The following RHBDD3 variants were observed in gnomAD, a reference collection of about 807,000 sequenced individuals.
RHBDD3 encodes the protein rhomboid domain containing 3, also known as rhomboid domain-containing protein 3.
Under a neutral mutation model 32.3 loss-of-function variants are expected in RHBDD3, and 34 were observed. The observed-to-expected ratio is 1.05, with a 90% confidence interval of 0.80 to 1.40. RHBDD3 has a LOEUF of 1.40. Among genes scored for constraint, RHBDD3 ranks in the 40% most tolerant of loss-of-function variants. RHBDD3 has a pLI of 0.00. For synonymous variants in RHBDD3, 249 were observed against 239.1 expected, an observed-to-expected ratio of 1.04 and a Z score of -0.38; for missense variants, 482 against 492.6, an observed-to-expected ratio of 0.98 and a Z score of 0.20.
chr22:29,267,151 T>A (rs778992875), intron 2 of RHBDD3, among the ~76,000 whole-genome samples: 1 of 152,232 alleles, frequency 6.6e-6, no homozygotes, highest in Non-Finnish European at 1.5e-5. Flanking sequence ...AGGTGAACCC[T>A]GCCCTTCGCG....
chr22:29,262,945 G>A (rs1178371136), intron 4 of RHBDD3, among the ~76,000 whole-genome samples: 4 of 151,678 alleles, frequency 2.6e-5, no homozygotes, highest in Admixed American at 1.3e-4. Flanking sequence ...GCATGTTCTC[G>A]GCTCATTGCA....
rs117474693 is a variant in RHBDD3 at position 29,266,355 on chromosome 22, G to A, written c.-42-687C>T. ...TCCAACCTCATCTTTTTACAGATGA[G>A]CCTCATTTTACAGATGAGCCTCTCC... is the stretch of plus-strand genomic sequence containing the variant. On this transcript the variant is annotated intron_variant, in intron 2 of 6. Coordinates refer to ENST00000216085, the MANE Select transcript of RHBDD3 (RefSeq NM_012265.3). 6.2e-3 allele frequency among the ~76,000 whole-genome samples: 938 copies of A among 152,228 alleles called. 5 individuals carry two copies. The highest frequency in any genetic ancestry group is 9.9e-3 in the Non-Finnish European group (675 of 68,020).
chr22:29,267,958 T>A lies in RHBDD3; in HGVS notation c.-405A>T, dbSNP rs895637007. On this transcript the variant is annotated 5_prime_UTR_variant, in exon 1 of 7. Transcript: ENST00000216085. Reference sequence around the variant, plus strand: ...TAGTCCGGGTCCCTTCCCCCAGCCCTCCCGCCGATCTCCGTCTCCCTGCAG... The same window carrying A: ...TAGTCCGGGTCCCTTCCCCCAGCCCACCCGCCGATCTCCGTCTCCCTGCAG... 9.4e-6 allele frequency: 3 copies of A among 319,420 alleles called. No homozygotes were observed. The highest frequency in any genetic ancestry group is 1.8e-5 in the Non-Finnish European group (3 of 167,528). The allele number at this position is 319,420 out of a possible 1,614,324, so 19.8% of individuals were successfully genotyped here. A position where few individuals can be genotyped will look rare whatever the true frequency, so the allele number is the denominator to read the frequency against.
chr22:29,267,318 A>G (rs534548094), intron 2 of RHBDD3, 108 bp downstream of exon 2: 1 of 152,814 alleles, frequency 6.5e-6, no homozygotes, highest in South Asian at 2.1e-4. Flanking sequence ...GCACCTTAGC[A>G]AGGGTGAAGG....
rs1602090463 is a variant in RHBDD3 at position 29,260,951 on chromosome 22, G to A, written c.533-87C>T. 7 of 1,321,316 alleles carry A rather than the reference G, an allele frequency of 5.3e-6. No individual in the cohort carries two copies. The East Asian group carries it at 1.8e-4, about 33-fold the overall frequency. The allele number at this position is 1,321,316 out of a possible 1,614,324, so 81.8% of individuals were successfully genotyped here. ...CGCCACAGGCCAGGCCCCATGCCAA[G>A]TGTGCTGGCCACCATTCCCTCCCGT... On this transcript the variant is annotated intron_variant, in intron 4 of 6. Transcript: ENST00000216085.
rs1279884749 is a variant in RHBDD3, at chr22:29,260,253, G to A, written c.984-16C>T. The A allele has an allele frequency of 1.9e-6, 3 of 1,601,852 alleles. No homozygotes were observed. The highest frequency in any genetic ancestry group is 1.7e-6 in the Non-Finnish European group (2 of 1,175,006). ...CTGCTGCAGCCTGTTGGGGGTGGGG[G>A]GAGAAGTGGGGAGTGTCAGGGCCAC... On this transcript the variant is annotated splice_polypyrimidine_tract_variant and intron_variant, in intron 6 of 6. Coordinates refer to ENST00000216085, the MANE Select transcript of RHBDD3 (RefSeq NM_012265.3).
upstream of RHBDD3, chr22:29,268,143 T>C: frequency 1.5e-6 from 1 of 676,568 alleles, no homozygotes. Flanking sequence ...TCGGGCGCTC[T>C]TTAGAGAGGA....
intron 4 of RHBDD3, 95 bp downstream of exon 4, chr22:29,263,740 G>C: frequency 6.9e-7 from 1 of 1,443,942 alleles, no homozygotes. Context: ...CCTTGGTATT[G>C]CTTGGGCCTT....
intron 4 of RHBDD3, chr22:29,261,197 C>T (rs1055502248): frequency 1.6e-5 from 9 of 552,874 alleles, no homozygotes; most frequent in Non-Finnish European, 2.8e-5. Context: ...CCCATGGACA[C>T]ACCTGCTATT....
intron 2 of RHBDD3, 51 bp from the exon 3 acceptor site, chr22:29,265,719 C>G (rs2058169108): frequency 6.9e-7 from 1 of 1,450,404 alleles, no homozygotes; most frequent in African/African-American, 1.5e-5. Flanking sequence ...TTTTATCTCA[C>G]CAATACCCTC....
intron 3 of RHBDD3, 90 bp from the exon 4 acceptor site, chr22:29,264,308 C>G: frequency 7.0e-7 from 1 of 1,438,178 alleles, no homozygotes. Context: ...TACGCTACAC[C>G]AGGGCCACCT....
chr22:29,259,916 C>T lies in RHBDD3; in HGVS notation c.*144G>A. On this transcript the variant is annotated 3_prime_UTR_variant, in exon 7 of 7. Coordinates refer to ENST00000216085, the MANE Select transcript of RHBDD3 (RefSeq NM_012265.3). Reference sequence around the variant, plus strand: ...TTATTCTAAACACGTACTAGGGCAGCATGCTGGGGGGCCTCTCCTGCCTCC... The same window carrying T: ...TTATTCTAAACACGTACTAGGGCAGTATGCTGGGGGGCCTCTCCTGCCTCC... The T allele has an allele frequency of 1.3e-6, 1 of 758,704 alleles. No homozygotes were observed. The highest frequency in any genetic ancestry group is 2.1e-6 in the Non-Finnish European group (1 of 481,428). The allele number at this position is 758,704 out of a possible 1,614,324, so 47.0% of individuals were successfully genotyped here.
intron 4 of RHBDD3, among the ~76,000 whole-genome samples, chr22:29,263,513 AG>A (rs974649367): frequency 1.3e-5 from 2 of 152,150 alleles, no homozygotes; most frequent in African/African-American, 4.8e-5. Context: ...ATTTTTGCTC[AG>A]GGTGGTTTGG....
Position 29,260,233 on chromosome 22 carries a change from G to A in RHBDD3, c.988C>T (p.Gln330Ter), listed in dbSNP as rs1158493394. 2.5e-6 allele frequency: 4 copies of A among 1,601,058 alleles called. No individual in the cohort carries two copies. The highest frequency in any genetic ancestry group is 2.7e-5 in the African/African-American group (2 of 74,968). The change falls in exon 7 of 7, where the codon CAG becomes TAG. Residue 330 changes from glutamine to a stop codon, truncating the protein, a stop_gained. Transcript: ENST00000216085. LOFTEE classifies it high-confidence loss of function. ...GGGAAGCCCATGCGCTCCAGCTGCTGCAGCCTGTTGGGGGTGGGGGGAGAA... is the reference window on the plus strand; with the variant it reads ...GGGAAGCCCATGCGCTCCAGCTGCTACAGCCTGTTGGGGGTGGGGGGAGAA... ...SKSSVSSLRL[Q>*]QLERMGFPTE... is the part of the protein sequence containing the mutation.
rs747806442 is a variant in RHBDD3 at position 29,260,254 on chromosome 22, G to C, written c.984-17C>G. The C allele has an allele frequency of 6.2e-7, 1 of 1,602,232 alleles. No individual in the cohort carries two copies. Among genetic ancestry groups the C allele is most frequent in the Admixed American group, 1.7e-5 (1 of 57,812 alleles). ...TGCTGCAGCCTGTTGGGGGTGGGGG[G>C]AGAAGTGGGGAGTGTCAGGGCCACC... On this transcript the variant is annotated splice_polypyrimidine_tract_variant and intron_variant, in intron 6 of 6. Transcript: ENST00000216085.
intron 4 of RHBDD3, chr22:29,261,489 G>C: frequency 2.7e-6 from 1 of 376,714 alleles, no homozygotes; most frequent in East Asian, 7.6e-5. Flanking sequence ...AGCTACTCAA[G>C]TGGCTGAGGC....
Position 29,265,535 on chromosome 22 carries a change from A to G in RHBDD3, c.92T>C (p.Val31Ala). The stretch of plus-strand genomic sequence containing the variant: ...CAGGACCAGGCCGGGGCCGGCCCCC[A>G]CCAGCCACAGGGTGCTCATCAGCAG... The part of the protein sequence containing the change: ...LMLLMSTLWL[V>A]GAGPGLVLAP... The change falls in exon 3 of 7, where the codon GTG (valine) becomes GCG (alanine). Residue 31 changes from valine to alanine, a missense_variant. Transcript: ENST00000216085. 2 of 1,563,928 alleles carry G rather than the reference A, an allele frequency of 1.3e-6. No homozygotes were observed. Among genetic ancestry groups the G allele is most frequent in the Non-Finnish European group, 1.7e-6 (2 of 1,160,272 alleles).
At chr22:29,263,747 C>T (rs556052751) in intron 4 of RHBDD3, 88 bp downstream of exon 4, 6 of 1,447,444 alleles carry the variant, frequency 4.1e-6, no homozygotes, top group Admixed American at 2.8e-5. Context: ...ATTGCTTGGG[C>T]CTTCACCCCT....
chr22:29,263,460 G>C (rs1183645522), intron 4 of RHBDD3, among the ~76,000 whole-genome samples: 2 of 152,256 alleles, frequency 1.3e-5, no homozygotes, highest in Non-Finnish European at 2.9e-5. Flanking sequence ...TTACAGGCGT[G>C]AGCCACTGCG....
Sources: gnomAD v4.1 joint callset for allele counts (sites outside exome capture counted in the v4.1 genomes callset) on GRCh38, gnomAD v4.1.1 for gene constraint, MANE v1.5 for transcripts, NCBI Gene and HGNC (gene_info 2026-07-23, HGNC 2026-07-21) for gene names.